The following KDELR3 variants were observed in gnomAD, a reference collection of about 807,000 sequenced individuals.
KDELR3 encodes the protein ER lumen protein-retaining receptor 3.
Under a neutral mutation model 22.7 loss-of-function variants are expected in KDELR3, and 26 were observed. The ratio of observed to expected loss-of-function variants is 1.15; its 90% CI spans 0.84 to 1.59. The LOEUF is 1.59. KDELR3 is among the 40% of genes most tolerant of loss of function. The probability of loss-of-function intolerance (pLI) is 0.00; values close to 1 mark genes in which losing one functional copy is unlikely to be tolerated. For synonymous variants in KDELR3, 120 were observed against 98.2 expected (o/e 1.22, Z -1.31); for missense variants, 289 against 251.1 (o/e 1.15, Z -1.02).
At position 38,468,166 on chromosome 22, in the gene KDELR3, C is replaced by T; in HGVS notation, c.-68C>T. ...GAGACCGGGGCCGGAGACGTGGCAG[C>T]CGCCCTGCCCGCCAGAAAGTTTCCT... On this transcript the variant is annotated 5_prime_UTR_variant, in exon 1 of 5. Transcript: ENST00000216014. 1 of 1,415,818 alleles carries T rather than the reference C, an allele frequency of 7.1e-7. No homozygotes were observed. Among genetic ancestry groups the T allele is most frequent in the Non-Finnish European group, 9.9e-7 (1 of 1,010,876 alleles). The allele number at this position is 1,415,818 out of a possible 1,614,324, so 87.7% of individuals were successfully genotyped here.
chr22:38,474,623 G>A lies in KDELR3; in HGVS notation c.192G>A (p.Lys64=). ...NFISIYNTVM[K]VVFLLCAYVT... is the part of the protein sequence containing the mutation. Reference sequence around the variant, plus strand: ...TCTCCATCTACAACACAGTAATGAAGGTGAGGGGCTGGGTGATGATGGTTG... The same window carrying A: ...TCTCCATCTACAACACAGTAATGAAAGTGAGGGGCTGGGTGATGATGGTTG... Residue 64 remains lysine (K), a splice_region_variant and synonymous_variant, in exon 2 of 5, where the codon AAG becomes AAA. Coordinates refer to ENST00000216014, the MANE Select transcript of KDELR3 (RefSeq NM_006855.4). The A allele has an allele frequency of 6.2e-7, 1 of 1,611,540 alleles. No homozygotes were observed.
In KDELR3 at chr22:38,468,127, C is replaced by A; in HGVS notation, c.-107C>A. 2 of 940,008 alleles carry A rather than the reference C, an allele frequency of 2.1e-6. No homozygotes were observed. Among genetic ancestry groups the A allele is most frequent in the Admixed American group, 2.0e-5 (1 of 50,264 alleles). 58.2% of individuals were successfully genotyped at this position (940,008 alleles called of 1,614,324 possible). ...GCGGAGCTGTGAGGCGCAGGCAGGG[C>A]TCTGGGGCACCTAGAGACCGGGGCC... On this transcript the variant is annotated 5_prime_UTR_variant, in exon 1 of 5. Transcript: ENST00000216014.
chr22:38,482,892 C>T lies in KDELR3; in HGVS notation c.*356C>T, dbSNP rs962424878. 1.6e-5 allele frequency: 4 copies of T among 249,704 alleles called. No individual in the cohort carries two copies. The highest frequency in any genetic ancestry group is 1.2e-3 in the Middle Eastern group (1 of 826). 15.5% of individuals were successfully genotyped at this position (249,704 alleles called of 1,614,324 possible). On this transcript the variant is annotated 3_prime_UTR_variant, in exon 5 of 5. Coordinates refer to ENST00000216014, the MANE Select transcript of KDELR3 (RefSeq NM_006855.4). Reference sequence around the variant, plus strand: ...AGTCAACCCCAATCTGGAACAATGTCCCTCCTCTTAGAATGTCCCAACTAA... The same window carrying T: ...AGTCAACCCCAATCTGGAACAATGTTCCTCCTCTTAGAATGTCCCAACTAA...
chr22:38,472,205 C>G (rs2089529540), intron 1 of KDELR3, among the ~76,000 whole-genome samples: 1 of 152,144 alleles, frequency 6.6e-6, no homozygotes, highest in South Asian at 2.1e-4. Context: ...TGTCCGGGCA[C>G]AGTGGCTTAC....
intron 1 of KDELR3, among the ~76,000 whole-genome samples, chr22:38,472,455 T>A (rs533447821): frequency 1.2e-4 from 18 of 151,750 alleles, no homozygotes; most frequent in Non-Finnish European, 2.6e-4. Flanking sequence ...CCAGCCTGGG[T>A]GACAGAGTGA....
At chr22:38,469,585 CAG>C (rs35900315) in intron 1 of KDELR3, among the ~76,000 whole-genome samples, 9,173 of 152,160 alleles carry the variant, frequency 0.06, 312 homozygotes, top group African/African-American at 0.079. Context: ...GGTTCTTCCT[CAG>C]GGGAGGTGGC....
At chr22:38,478,251 T>C (rs781192639) in intron 2 of KDELR3, among the ~76,000 whole-genome samples, 75 of 151,886 alleles carry the variant, frequency 4.9e-4, no homozygotes, top group Non-Finnish European at 6.3e-4. Context: ...TTGTTAGAAA[T>C]ACAAACTTTT....
chr22:38,476,827 C>G (rs2089562448), intron 2 of KDELR3, among the ~76,000 whole-genome samples: 1 of 149,504 alleles, frequency 6.7e-6, no homozygotes, highest in Admixed American at 6.7e-5. Flanking sequence ...CCTGGCCCCC[C>G]CTTTTTTTTT....
At chr22:38,480,008 T>C (rs2089588207) in intron 3 of KDELR3, among the ~76,000 whole-genome samples, 1 of 152,200 alleles carries the variant, frequency 6.6e-6, no homozygotes, top group African/African-American at 2.4e-5. Flanking sequence ...GTTCAACCGA[T>C]TAGCAGATCC....
chr22:38,481,045 C>T (rs1327767560), intron 3 of KDELR3, among the ~76,000 whole-genome samples, 167 bp from the exon 4 acceptor site: 2 of 151,944 alleles, frequency 1.3e-5, no homozygotes, highest in Admixed American at 6.6e-5. Context: ...TTATATTTAC[C>T]TAGAGATGGT....
chr22:38,479,700 C>G lies in KDELR3; in HGVS notation c.300C>G (p.Val100=), dbSNP rs1229874484. 2.5e-6 allele frequency: 4 copies of G among 1,614,056 alleles called. No homozygotes were observed. The African/African-American group carries it at 4.0e-5, about 16-fold the overall frequency. Residue 100 remains valine (V), a synonymous_variant, in exon 3 of 5, where the codon GTC becomes GTG. Transcript: ENST00000216014. ...NDTFRLEFLL[V]PVIGLSFLEN... is the part of the protein sequence containing the mutation. ...CATTCCGCCTGGAGTTTCTTCTGGTCCCAGTCATTGGCCTTTCCTTCCTTG... is the reference window on the plus strand; with the variant it reads ...CATTCCGCCTGGAGTTTCTTCTGGTGCCAGTCATTGGCCTTTCCTTCCTTG...
intron 1 of KDELR3, among the ~76,000 whole-genome samples, chr22:38,473,795 G>A (rs959447379): frequency 6.6e-6 from 1 of 151,998 alleles, no homozygotes; most frequent in Non-Finnish European, 1.5e-5. Flanking sequence ...CCAACCTGGC[G>A]AAACTCCGTC....
At chr22:38,481,916 C>T (rs1264467039) in intron 4 of KDELR3, among the ~76,000 whole-genome samples, 1 of 152,114 alleles carries the variant, frequency 6.6e-6, no homozygotes, top group Non-Finnish European at 1.5e-5. Context: ...ACACTGATAG[C>T]TTATGAGCAA....
rs746369189 is a variant in KDELR3, at chr22:38,479,654, C to CTT, written c.257_258dup (p.Asp87LeufsTer52). On this transcript the variant is annotated frameshift_variant, in exon 3 of 5. Transcript: ENST00000216014. LOFTEE classifies it high-confidence loss of function. ...ATGATATATGGGAAATTCCGTAAAA[C>CTT]TTTTGACAGTGAGAATGACACATTC... The CTT allele has an allele frequency of 3.1e-6, 5 of 1,614,060 alleles. No individual in the cohort carries two copies. In the South Asian group the frequency reaches 5.5e-5, roughly 18 times the overall value.
Position 38,474,440 on chromosome 22 carries a change from C to T in KDELR3, c.92-83C>T. The T allele has an allele frequency of 3.6e-6, 4 of 1,112,520 alleles. No homozygotes were observed. The Admixed American group carries it at 7.0e-5, about 19-fold the overall frequency. The allele number at this position is 1,112,520 out of a possible 1,614,324, so 68.9% of individuals were successfully genotyped here. On this transcript the variant is annotated intron_variant, in intron 1 of 4. Transcript: ENST00000216014. ...GGAGTGGACACTCTAGAGGCCTCCC[C>T]AGCTCCAGGCTGTGCACCTCTTGAG...
At chr22:38,473,649 T>C (rs2089538685) in intron 1 of KDELR3, among the ~76,000 whole-genome samples, 1 of 152,028 alleles carries the variant, frequency 6.6e-6, no homozygotes, top group Admixed American at 6.6e-5. Flanking sequence ...TTGCAAAGAG[T>C]AAATATAGGC....
At chr22:38,478,567 C>G (rs1307555048) in intron 2 of KDELR3, among the ~76,000 whole-genome samples, 2 of 143,528 alleles carry the variant, frequency 1.4e-5, no homozygotes, top group African/African-American at 5.1e-5. Context: ...AACAAACTTT[C>G]AGGCCCATCC....
At chr22:38,480,057 A>G (rs575168569) in intron 3 of KDELR3, among the ~76,000 whole-genome samples, 2 of 152,174 alleles carry the variant, frequency 1.3e-5, no homozygotes, top group African/African-American at 4.8e-5. Context: ...AGAAATTTCA[A>G]CTCAGTAAGT....
At chr22:38,473,015 C>G (rs2089534698) in intron 1 of KDELR3, among the ~76,000 whole-genome samples, 1 of 152,108 alleles carries the variant, frequency 6.6e-6, no homozygotes, top group Non-Finnish European at 1.5e-5. Context: ...ACGATGTTAA[C>G]ACTAGATATA....
Sources: allele counts gnomAD v4.1 joint callset (sites outside exome capture counted in the v4.1 genomes callset), GRCh38; gene constraint gnomAD v4.1.1; transcripts MANE v1.5; gene names NCBI Gene and HGNC (gene_info 2026-07-23, HGNC 2026-07-21).